The following CD82 variants were observed in gnomAD, a reference collection of about 807,000 sequenced individuals.
CD82 encodes the protein CD82 antigen.
Under a neutral mutation model 37.4 loss-of-function variants are expected in CD82, and 36 were observed. That is an observed-to-expected ratio of 0.96 (90% CI 0.74 to 1.27). The LOEUF (loss-of-function observed/expected upper bound fraction) is 1.27. CD82 is among the 50% of genes most tolerant of loss of function. CD82 has a pLI of 0.00. For missense variants in CD82, 340 were observed against 347.0 expected (o/e 0.98, Z 0.16); for synonymous variants, 158 against 137.4 (o/e 1.15, Z -1.05).
chr11:44,576,776 G>A (rs147984742), intron 1 of CD82, among the ~76,000 whole-genome samples: 46 of 152,208 alleles, frequency 3.0e-4, no homozygotes, highest in Admixed American at 1.1e-3. Context: ...CTTATTCTCC[G>A]TCCCTCAAGC....
chr11:44,585,202 C>T (rs1590332793), intron 1 of CD82: 2 of 456,220 alleles, frequency 4.4e-6, no homozygotes, highest in South Asian at 3.1e-5. Flanking sequence ...AGGATGGGCA[C>T]ATGGCTAGAG....
At chr11:44,615,229 G>A (rs1853544841) in intron 6 of CD82, 43 bp from the exon 7 acceptor site, 1 of 1,367,322 alleles carries the variant, frequency 7.3e-7, no homozygotes, top group African/African-American at 1.4e-5. Flanking sequence ...GTGGGCACGG[G>A]TTTCAGGAAA....
At chr11:44,595,022 C>A in intron 3 of CD82, 2 of 443,322 alleles carry the variant, frequency 4.5e-6, no homozygotes, top group Non-Finnish European at 8.3e-6. Flanking sequence ...CCCTGGGCAT[C>A]CCCCTAACTC....
At chr11:44,608,330 C>G (rs1316342521) in intron 6 of CD82, among the ~76,000 whole-genome samples, 2 of 152,118 alleles carry the variant, frequency 1.3e-5, no homozygotes, top group Non-Finnish European at 2.9e-5. Flanking sequence ...CTGTCACCCG[C>G]AGCCACTCTT....
At chr11:44,617,198 C>G (rs1207050014) in intron 7 of CD82, among the ~76,000 whole-genome samples, 1 of 152,150 alleles carries the variant, frequency 6.6e-6, no homozygotes, top group Non-Finnish European at 1.5e-5. Flanking sequence ...CAGAGACCTC[C>G]TTTAGCACAC....
intron 1 of CD82, among the ~76,000 whole-genome samples, chr11:44,570,730 C>T (rs1210840527): frequency 3.3e-5 from 5 of 152,074 alleles, no homozygotes; most frequent in Non-Finnish European, 7.4e-5. Context: ...TTATTACCCT[C>T]CTGAGAGGGG....
At chr11:44,611,474 G>A (rs1250309933) in intron 6 of CD82, among the ~76,000 whole-genome samples, 1 of 152,264 alleles carries the variant, frequency 6.6e-6, no homozygotes, top group Non-Finnish European at 1.5e-5. Flanking sequence ...CCGTGCCTGT[G>A]ATGTGGATGG....
chr11:44,572,340 T>C (rs1852825521), intron 1 of CD82, among the ~76,000 whole-genome samples: 1 of 152,240 alleles, frequency 6.6e-6, no homozygotes. Flanking sequence ...TACTTTCCCC[T>C]ATTTTCCAAA....
At chr11:44,604,887 TG>T in intron 4 of CD82, 170 bp from the exon 5 acceptor site, 1 of 802,168 alleles carries the variant, frequency 1.2e-6, no homozygotes, top group Non-Finnish European at 2.1e-6. Context: ...GGGACACAAG[TG>T]GGGATGGGGG....
intron 4 of CD82, among the ~76,000 whole-genome samples, chr11:44,602,269 C>T (rs1268444899): frequency 2.0e-5 from 3 of 152,172 alleles, no homozygotes; most frequent in Admixed American, 6.5e-5. Context: ...CGATTCACGG[C>T]GGTGCTGTCC....
rs1853194812 is a variant in CD82, at chr11:44,594,640, C to T, written c.-20-3C>T. The T allele has an allele frequency of 6.2e-7, 1 of 1,606,466 alleles. No homozygotes were observed. The highest frequency in any genetic ancestry group is 1.3e-5 in the African/African-American group (1 of 74,798). The stretch of plus-strand genomic sequence containing the variant: ...ACTGGCCTGCCTGCCTTCTCTCTTC[C>T]AGGAAGCTCCAGGACTGGCGGGATG... On this transcript the variant is annotated splice_region_variant and splice_polypyrimidine_tract_variant and intron_variant, in intron 2 of 9. Coordinates refer to ENST00000227155, the MANE Select transcript of CD82 (RefSeq NM_002231.4).
rs1853238301 is a variant in CD82, at chr11:44,597,030, G to A, written c.63+2305G>A. ...TTGGAGAGGGGGATCCTGGCAGCAG[G>A]GGCAGCCGGTGGAGGCAGAGTGCAC... On this transcript the variant is annotated intron_variant, in intron 3 of 9. Transcript: ENST00000227155. The surrounding 1 kb of genome is among the most constrained non-coding windows in gnomAD (Gnocchi z 4.1). The A allele has an allele frequency of 2.2e-6, 1 of 455,988 alleles. No individual in the cohort carries two copies. Among genetic ancestry groups the A allele is most frequent in the Admixed American group, 2.3e-5 (1 of 42,580 alleles). 28.2% of individuals were successfully genotyped at this position (455,988 alleles called of 1,614,324 possible). A position where few individuals can be genotyped will look rare whatever the true frequency, so the allele number is the denominator to read the frequency against.
In CD82 at chr11:44,619,195, C is replaced by T. The variant is rs1321729427; in HGVS notation, c.*69C>T. ...GGCTCCCAGGGGTCTCCCTGGCTCCCTCCTCCAGGCCTGCCTCCCACTTCA... is the reference window on the plus strand; with the variant it reads ...GGCTCCCAGGGGTCTCCCTGGCTCCTTCCTCCAGGCCTGCCTCCCACTTCA... On this transcript the variant is annotated 3_prime_UTR_variant, in exon 10 of 10. Transcript: ENST00000227155. 3.2e-6 allele frequency: 4 copies of T among 1,246,224 alleles called. No homozygotes were observed. Among genetic ancestry groups the T allele is most frequent in the South Asian group, 2.4e-5 (2 of 83,934 alleles). 77.2% of individuals were successfully genotyped at this position (1,246,224 alleles called of 1,614,324 possible).
chr11:44,619,760 T>C lies in CD82; in HGVS notation c.*634T>C, dbSNP rs1311059662. 2.8e-5 allele frequency: 2 copies of C among 70,190 alleles called. No homozygotes were observed. Among genetic ancestry groups the C allele is most frequent in the Non-Finnish European group, 4.9e-5 (2 of 40,908 alleles). The allele number at this position is 70,190 out of a possible 1,614,324, so 4.3% of individuals were successfully genotyped here. ...GCCTGGGGGACAGAAAGAGACTCCG[T>C]CTCAAAAAAAAAAAAAAAAAAAAAA... On this transcript the variant is annotated 3_prime_UTR_variant, in exon 10 of 10. Transcript: ENST00000227155.
chr11:44,594,007 A>G (rs1241739057), intron 2 of CD82, among the ~76,000 whole-genome samples: 1 of 152,152 alleles, frequency 6.6e-6, no homozygotes, highest in East Asian at 1.9e-4. Context: ...ACACACACAC[A>G]CACACACACG....
At chr11:44,616,690 GA>G (rs1347162530) in intron 7 of CD82, among the ~76,000 whole-genome samples, 2 of 152,222 alleles carry the variant, frequency 1.3e-5, no homozygotes, top group Non-Finnish European at 2.9e-5. Context: ...GTTAAAGCCT[GA>G]AGCACTTAGG....
chr11:44,613,989 T>C (rs1162972628), intron 6 of CD82, among the ~76,000 whole-genome samples: 1 of 151,122 alleles, frequency 6.6e-6, no homozygotes, highest in Non-Finnish European at 1.5e-5. Context: ...TTTTGTTTTT[T>C]GTTGTTGTTG....
chr11:44,615,969 C>T (rs1467684546), intron 7 of CD82, among the ~76,000 whole-genome samples: 1 of 152,190 alleles, frequency 6.6e-6, no homozygotes, highest in African/African-American at 2.4e-5. Context: ...AACAGATAGA[C>T]TGACCAGGTT....
intron 7 of CD82, among the ~76,000 whole-genome samples, chr11:44,616,400 T>A (rs939730441): frequency 2.0e-5 from 3 of 152,058 alleles, no homozygotes; most frequent in African/African-American, 7.2e-5. Context: ...CTTTGCTAAT[T>A]TTAGCAAAGT....
Sources: allele counts gnomAD v4.1 joint callset (sites outside exome capture counted in the v4.1 genomes callset), GRCh38; gene constraint gnomAD v4.1.1; non-coding constraint Gnocchi (gnomAD v3.1); transcripts MANE v1.5; gene names NCBI Gene and HGNC (gene_info 2026-07-23, HGNC 2026-07-21).